OR51C1: variants seen among roughly 807,000 people sequenced by gnomAD.
OR51C1 encodes olfactory receptor family 51 subfamily C member 1, also known as olfactory receptor OR51C1.
chr11:4,695,099 C>A, the OR51C1 span, among the ~76,000 whole-genome samples: 6 of 152,076 alleles, frequency 3.9e-5, no homozygotes, highest in Non-Finnish European at 7.4e-5. Context: ...AGAGAAAGCA[C>A]CAGAGGTCAA....
the OR51C1 span, among the ~76,000 whole-genome samples, chr11:4,692,837 G>A: frequency 6.7e-6 from 1 of 149,170 alleles, no homozygotes; most frequent in Non-Finnish European, 1.5e-5. Context: ...AAGGATCACC[G>A]GAAGAAGTCT....
chr11:4,691,918 T>C, the OR51C1 span, among the ~76,000 whole-genome samples: 4 of 152,256 alleles, frequency 2.6e-5, no homozygotes, highest in Admixed American at 2.0e-4. Flanking sequence ...TGCCTTAGTG[T>C]ACAATCTTTC....
chr11:4,696,899 G>A, the OR51C1 span, among the ~76,000 whole-genome samples: 1 of 152,124 alleles, frequency 6.6e-6, no homozygotes, highest in Non-Finnish European at 1.5e-5. Context: ...ACTGACCTGG[G>A]TTCAGATTCT....
chr11:4,691,600 A>T, the OR51C1 span: 4 of 455,472 alleles, frequency 8.8e-6, no homozygotes, highest in South Asian at 6.2e-5. Context: ...ACAGAGAGGA[A>T]GCAGAAGGGA....
chr11:4,690,828 A>G, the OR51C1 span: 1 of 453,806 alleles, frequency 2.2e-6, no homozygotes, highest in South Asian at 1.6e-5. Flanking sequence ...ACTGTAGATG[A>G]CAGGGTTCAT....
the OR51C1 span, chr11:4,691,061 A>G: frequency 2.2e-6 from 1 of 456,752 alleles, no homozygotes; most frequent in Non-Finnish European, 4.4e-6. Flanking sequence ...GGAGGATGAG[A>G]AGTAAGTCTA....
chr11:4,692,414 A>G, the OR51C1 span, among the ~76,000 whole-genome samples: 2 of 152,370 alleles, frequency 1.3e-5, no homozygotes, highest in South Asian at 2.1e-4. Flanking sequence ...GCCACGTTCC[A>G]ACACAGTTCT....
chr11:4,693,443 T>A, the OR51C1 span, among the ~76,000 whole-genome samples: 1 of 152,196 alleles, frequency 6.6e-6, no homozygotes, highest in Non-Finnish European at 1.5e-5. Flanking sequence ...TTGAGCAGGC[T>A]GGGCGCGGTG....
At chr11:4,695,882 T>G in the OR51C1 span, among the ~76,000 whole-genome samples, 2 of 152,186 alleles carry the variant, frequency 1.3e-5, no homozygotes, top group African/African-American at 4.8e-5. Flanking sequence ...CTTCTTTTCT[T>G]GCTTTTCATA....
At chr11:4,693,324 A>G in the OR51C1 span, among the ~76,000 whole-genome samples, 1 of 152,256 alleles carries the variant, frequency 6.6e-6, no homozygotes, top group Non-Finnish European at 1.5e-5. Flanking sequence ...GTAGGTTTGT[A>G]GTATTTGGAG....
the OR51C1 span, chr11:4,692,157 T>C: frequency 2.2e-6 from 1 of 452,572 alleles, no homozygotes; most frequent in South Asian, 1.6e-5. Flanking sequence ...CAATATTACA[T>C]TGGTCATAAG....
chr11:4,691,820 A>C, the OR51C1 span: 1 of 292,546 alleles, frequency 3.4e-6, no homozygotes, highest in Non-Finnish European at 6.7e-6. Flanking sequence ...TATTTATATA[A>C]TATGAAACTA....
the OR51C1 span, among the ~76,000 whole-genome samples, chr11:4,693,600 A>G: frequency 6.6e-6 from 1 of 152,174 alleles, no homozygotes; most frequent in African/African-American, 2.4e-5. Flanking sequence ...GGGCGCCTGT[A>G]GTTCCAGCTA....
chr11:4,690,630 A>G, the OR51C1 span: 43,271 of 299,568 alleles, frequency 0.14, 3,711 homozygotes, highest in East Asian at 0.3. Context: ...TTCCAGCTTT[A>G]ACTTTAAATG....
the OR51C1 span, among the ~76,000 whole-genome samples, chr11:4,693,105 A>G: frequency 3.3e-5 from 5 of 152,226 alleles, no homozygotes; most frequent in African/African-American, 1.2e-4. Context: ...AGAATTTTAA[A>G]TGTTCACAGC....
the OR51C1 span, chr11:4,690,879 T>G: frequency 1.8e-5 from 8 of 456,618 alleles, no homozygotes; most frequent in African/African-American, 1.6e-4. Context: ...AATCATAGTA[T>G]GTACATAGGC....
chr11:4,691,255 T>C, the OR51C1 span: 1,283 of 457,004 alleles, frequency 2.8e-3, 4 homozygotes, highest in Non-Finnish European at 4.9e-3. Flanking sequence ...CTGATGACAC[T>C]TGCCACTCCA....
chr11:4,696,408 C>T, the OR51C1 span, among the ~76,000 whole-genome samples: 1 of 152,056 alleles, frequency 6.6e-6, no homozygotes, highest in African/African-American at 2.4e-5. Context: ...TCTCTCATCC[C>T]TTACATATAA....
chr11:4,691,189 G>A, the OR51C1 span: 1 of 456,640 alleles, frequency 2.2e-6, no homozygotes, highest in African/African-American at 2.0e-5. Context: ...ACTTGGCTGT[G>A]GCAGTAGGAA....
Sources: gnomAD v4.1 joint callset for allele counts (sites outside exome capture counted in the v4.1 genomes callset) on GRCh38, gnomAD v4.1.1 for gene constraint, MANE v1.5 for transcripts, NCBI Gene and HGNC (gene_info 2026-07-23, HGNC 2026-07-21) for gene names.